Variants in C10orf67 observed in about 807,000 individuals in gnomAD.
C10orf67 encodes the protein chromosome 10 open reading frame 67.
Under a neutral mutation model 35.6 loss-of-function variants are expected in C10orf67, and 60 were observed. The ratio of observed to expected loss-of-function variants is 1.68; its 90% CI spans 1.37 to 2.09. C10orf67 has a LOEUF of 2.09. Ranked by LOEUF, C10orf67 falls within the 30% of genes most tolerant of loss-of-function variation. C10orf67 has a pLI of 0.00. For missense variants in C10orf67, 474 were observed against 330.2 expected, an observed-to-expected ratio of 1.44 and a Z score of -3.38; for synonymous variants, 167 against 115.8, an observed-to-expected ratio of 1.44 and a Z score of -2.84.
intron 5 of C10orf67, among the ~76,000 whole-genome samples, chr10:23,299,932 C>T (rs934421305): frequency 3.3e-5 from 5 of 151,084 alleles, no homozygotes; most frequent in African/African-American, 7.3e-5. Context: ...GAGCCAAGAT[C>T]GCGCCACTGC....
At chr10:23,329,813 AAAAG>A (rs1424829538) in intron 2 of C10orf67, among the ~76,000 whole-genome samples, 1 of 146,666 alleles carries the variant, frequency 6.8e-6, no homozygotes, top group Non-Finnish European at 1.5e-5. Flanking sequence ...AAAAAAAAAA[AAAAG>A]AAAAGAAAAG....
chr10:23,237,514 T>C (rs1422082463), intron 13 of C10orf67, among the ~76,000 whole-genome samples: 1 of 152,154 alleles, frequency 6.6e-6, no homozygotes, highest in Admixed American at 6.5e-5. Flanking sequence ...TGGAAAGAGC[T>C]CATTTGTCCA....
intron 8 of C10orf67, among the ~76,000 whole-genome samples, chr10:23,269,503 T>C (rs1324589911): frequency 1.3e-5 from 2 of 151,976 alleles, no homozygotes; most frequent in Admixed American, 6.6e-5. Context: ...AGAAGACATA[T>C]AGAAAATAAA....
At chr10:23,342,166 A>C (rs1364779167) in intron 1 of C10orf67, among the ~76,000 whole-genome samples, 1 of 151,710 alleles carries the variant, frequency 6.6e-6, no homozygotes, top group African/African-American at 2.4e-5. Context: ...CCTGACTCTA[A>C]AAAACAAAAC....
chr10:23,211,184 C>G (rs1841297107), intron 15 of C10orf67, among the ~76,000 whole-genome samples: 1 of 152,128 alleles, frequency 6.6e-6, no homozygotes, highest in Non-Finnish European at 1.5e-5. Context: ...TGGAATCCTT[C>G]CTTGCCTCCT....
intron 13 of C10orf67, among the ~76,000 whole-genome samples, chr10:23,234,960 C>T (rs1424782620): frequency 3.7e-5 from 5 of 135,988 alleles, no homozygotes; most frequent in Admixed American, 2.6e-4. Context: ...TGCGGTGAGC[C>T]GAGATCGCAC....
intron 10 of C10orf67, among the ~76,000 whole-genome samples, chr10:23,255,799 C>T (rs1842585106): frequency 6.6e-6 from 1 of 152,084 alleles, no homozygotes; most frequent in African/African-American, 2.4e-5. Context: ...ACATACAGCA[C>T]ATATAATGGA....
chr10:23,281,459 T>C (rs995514009), intron 8 of C10orf67, among the ~76,000 whole-genome samples: 6 of 151,544 alleles, frequency 4.0e-5, no homozygotes, highest in African/African-American at 1.5e-4. Context: ...GACATACTAG[T>C]GGTAATCAGC....
chr10:23,332,519 C>T (rs938696747), intron 2 of C10orf67, among the ~76,000 whole-genome samples: 7 of 152,024 alleles, frequency 4.6e-5, no homozygotes, highest in Non-Finnish European at 2.9e-5. Context: ...CTCATCTCTA[C>T]AAAGCATACA....
chr10:23,344,458 C>A, intron 1 of C10orf67, 111 bp downstream of exon 1: 1 of 1,047,864 alleles, frequency 9.5e-7, no homozygotes. Flanking sequence ...CTGGAGGCTG[C>A]TGCGATACCC....
chr10:23,235,605 C>T (rs903096504), intron 13 of C10orf67, among the ~76,000 whole-genome samples: 23 of 152,178 alleles, frequency 1.5e-4, no homozygotes, highest in African/African-American at 3.6e-4. Flanking sequence ...TGGATGTTTA[C>T]GACACTACTG....
At chr10:23,298,414 AG>A in intron 5 of C10orf67, among the ~76,000 whole-genome samples, 1 of 152,206 alleles carries the variant, frequency 6.6e-6, no homozygotes. Context: ...TATAAAGAAA[AG>A]TCTTGCCCCA....
At position 23,292,861 on chromosome 10, in the gene C10orf67, A is replaced by C. The variant is rs1163062276; in HGVS notation, c.703-1582T>G. On this transcript the variant is annotated intron_variant, in intron 5 of 15. Coordinates refer to ENST00000636213, the MANE Select transcript of C10orf67 (RefSeq NM_001371909.1). ...TATTTGAGCCCAATTCATCTTAACT[A>C]ATGAGAACTAACAAACCTAGTAAGT... is the stretch of plus-strand genomic sequence containing the variant. Among the ~76,000 whole-genome samples, 5 of 152,324 alleles carry C rather than the reference A, an allele frequency of 3.3e-5. No individual in the cohort carries two copies. The East Asian group carries it at 9.6e-4, about 29-fold the overall frequency.
At chr10:23,240,527 C>T (rs1842155029) in intron 12 of C10orf67, among the ~76,000 whole-genome samples, 1 of 152,194 alleles carries the variant, frequency 6.6e-6, no homozygotes. Flanking sequence ...ATAAGAACTA[C>T]AGTGTGTTGA....
chr10:23,308,187 T>A (rs1047707015), intron 4 of C10orf67, among the ~76,000 whole-genome samples: 2 of 152,008 alleles, frequency 1.3e-5, no homozygotes, highest in Admixed American at 1.3e-4. Flanking sequence ...TAATCAAACT[T>A]GTTCGATCTA....
intron 10 of C10orf67, among the ~76,000 whole-genome samples, chr10:23,265,897 C>T (rs1485733466): frequency 6.6e-6 from 1 of 152,224 alleles, no homozygotes. Flanking sequence ...AGCAAATGGA[C>T]TGGCTACCTG....
chr10:23,280,099 C>T (rs1843327330), intron 8 of C10orf67, among the ~76,000 whole-genome samples: 1 of 152,158 alleles, frequency 6.6e-6, no homozygotes, highest in African/African-American at 2.4e-5. Context: ...AAGTGATCCT[C>T]CCATCTCAGT....
intron 10 of C10orf67, among the ~76,000 whole-genome samples, chr10:23,257,539 A>ACTG (rs1842635098): frequency 6.6e-6 from 1 of 152,192 alleles, no homozygotes; most frequent in Non-Finnish European, 1.5e-5. Context: ...GCAGTGGCTT[A>ACTG]CACCTGTAAT....
intron 10 of C10orf67, among the ~76,000 whole-genome samples, chr10:23,252,655 C>T (rs1317157193): frequency 6.6e-6 from 1 of 152,278 alleles, no homozygotes; most frequent in Middle Eastern, 3.4e-3. Context: ...CTCATTTGGG[C>T]AAGTAGATGG....
Sources: gnomAD v4.1 joint callset for allele counts (sites outside exome capture counted in the v4.1 genomes callset) on GRCh38, gnomAD v4.1.1 for gene constraint, MANE v1.5 for transcripts, NCBI Gene and HGNC (gene_info 2026-07-23, HGNC 2026-07-21) for gene names.